Variants in ELP4 observed in about 807,000 individuals in gnomAD.
The protein encoded by ELP4 is elongator acetyltransferase complex subunit 4.
In ELP4, 51 loss-of-function variants were observed where a neutral mutation model predicts 48.9. The observed-to-expected ratio is 1.04, with a 90% CI of 0.83 to 1.32. The LOEUF is 1.32. Among genes scored for constraint, ELP4 ranks in the 40% most tolerant of loss-of-function variants. ELP4 has a pLI of 0.00. For missense variants in ELP4, 519 were observed against 514.6 expected, an observed-to-expected ratio of 1.01 and a Z score of -0.08; for synonymous variants, 210 against 189.2, an observed-to-expected ratio of 1.11 and a Z score of -0.90.
At chr11:31,556,650 G>C (rs1166242184) in intron 3 of ELP4, among the ~76,000 whole-genome samples, 1 of 151,840 alleles carries the variant, frequency 6.6e-6, no homozygotes, top group African/African-American at 2.4e-5. Context: ...ATATTAGCTA[G>C]TGATGACATT....
At chr11:31,619,925 C>A (rs1944583536) in intron 5 of ELP4, among the ~76,000 whole-genome samples, 1 of 151,910 alleles carries the variant, frequency 6.6e-6, no homozygotes, top group African/African-American at 2.4e-5. Context: ...GCTCAACATA[C>A]AAGTGTTGTG....
Position 31,518,494 on chromosome 11 carries a change from AT to A in ELP4, c.224-1543del, listed in dbSNP as rs539723681. 3.2e-3 allele frequency among the ~76,000 whole-genome samples: 388 copies of A among 122,852 alleles called. 1 individual carries two copies. Among genetic ancestry groups the A allele is most frequent in the African/African-American group, 8.6e-3 (285 of 33,154 alleles). 80.6% of individuals were successfully genotyped at this position (122,852 alleles called of 152,430 possible). On this transcript the variant is annotated intron_variant, in intron 1 of 9. Transcript: ENST00000640961. The stretch of plus-strand genomic sequence containing the variant: ...TCATGATTATATTACCATAGTTCAG[AT>A]TTTTTTTTTTTTTTTTTTCTGAAAC...
intron 1 of ELP4, chr11:31,510,256 C>T: frequency 3.6e-6 from 2 of 560,692 alleles, no homozygotes; most frequent in Non-Finnish European, 6.4e-6. Flanking sequence ...TTTCATATTA[C>T]GGAGGAATTC....
chr11:31,524,016 T>C (rs1023389063), intron 2 of ELP4, among the ~76,000 whole-genome samples: 4 of 152,108 alleles, frequency 2.6e-5, no homozygotes, highest in Non-Finnish European at 4.4e-5. Flanking sequence ...ATAGGTGACA[T>C]TTATCAATGT....
intron 3 of ELP4, among the ~76,000 whole-genome samples, chr11:31,562,454 G>T (rs1407079451): frequency 6.6e-6 from 1 of 152,018 alleles, no homozygotes; most frequent in Non-Finnish European, 1.5e-5. Context: ...AATGTGATAG[G>T]GATCCATGGA....
chr11:31,517,105 A>G (rs1208321032), intron 1 of ELP4, among the ~76,000 whole-genome samples: 1 of 152,164 alleles, frequency 6.6e-6, no homozygotes, highest in Non-Finnish European at 1.5e-5. Context: ...TTCTAGGCGC[A>G]TGTATGTTAC....
At chr11:31,760,271 G>T (rs1947917771) in intron 9 of ELP4, among the ~76,000 whole-genome samples, 1 of 152,184 alleles carries the variant, frequency 6.6e-6, no homozygotes, top group Non-Finnish European at 1.5e-5. Flanking sequence ...TTGGCCTGCT[G>T]TTTCCTAATG....
chr11:31,529,686 A>G (rs1303830014), intron 2 of ELP4, among the ~76,000 whole-genome samples: 1 of 152,198 alleles, frequency 6.6e-6, no homozygotes, highest in African/African-American at 2.4e-5. Flanking sequence ...CCTGTTTCTC[A>G]TATAGGAAAA....
At chr11:31,630,294 G>A (rs975769944) in intron 6 of ELP4, among the ~76,000 whole-genome samples, 1 of 113,498 alleles carries the variant, frequency 8.8e-6, no homozygotes, top group Non-Finnish European at 1.8e-5. Context: ...CCCTTCAATT[G>A]TATTGAATTA....
At chr11:31,740,747 C>G (rs1241181487) in intron 9 of ELP4, among the ~76,000 whole-genome samples, 1 of 152,172 alleles carries the variant, frequency 6.6e-6, no homozygotes, top group South Asian at 2.1e-4. Flanking sequence ...TTTAATAAAA[C>G]AAATTTGGGG....
chr11:31,771,899 G>A lies in ELP4; in HGVS notation c.1144-11494G>A, dbSNP rs571850482. Among the ~76,000 whole-genome samples the A allele has an allele frequency of 5.3e-5, 8 of 152,044 alleles. No homozygotes were observed. In the East Asian group the frequency reaches 7.8e-4, roughly 15 times the overall value. On this transcript the variant is annotated intron_variant, in intron 9 of 9. Coordinates refer to ENST00000640961, the MANE Select transcript of ELP4 (RefSeq NM_019040.5). ...CAGGAGGCTGAGGCGGGAGAATGGC[G>A]TGAACCCAGGAGGCGGAGGTTGCAG...
chr11:31,708,856 A>G (rs940705391), intron 9 of ELP4, among the ~76,000 whole-genome samples: 7 of 152,148 alleles, frequency 4.6e-5, no homozygotes, highest in Admixed American at 4.6e-4. Context: ...AGTGTAACTA[A>G]TTGAATAATT....
intron 9 of ELP4, among the ~76,000 whole-genome samples, chr11:31,778,680 G>A (rs985565845): frequency 6.6e-6 from 1 of 152,200 alleles, no homozygotes; most frequent in African/African-American, 2.4e-5. Context: ...GGCTTAACCA[G>A]CTGAATTGAC....
chr11:31,557,206 A>T (rs1415179922), intron 3 of ELP4, among the ~76,000 whole-genome samples: 1 of 151,894 alleles, frequency 6.6e-6, no homozygotes, highest in Non-Finnish European at 1.5e-5. Context: ...AGTGAAAGTT[A>T]AAATAATATC....
chr11:31,520,188 T>A, intron 2 of ELP4, 97 bp downstream of exon 2: 1 of 1,016,034 alleles, frequency 9.8e-7, no homozygotes, highest in Non-Finnish European at 1.5e-6. Flanking sequence ...TTTAAATCAC[T>A]AACACGACAG....
intron 9 of ELP4, among the ~76,000 whole-genome samples, chr11:31,693,212 G>T (rs925874666): frequency 1.4e-4 from 22 of 152,052 alleles, no homozygotes; most frequent in Non-Finnish European, 2.6e-4. Flanking sequence ...ATAACATGCA[G>T]GTTTGTTACA....
intron 5 of ELP4, among the ~76,000 whole-genome samples, chr11:31,608,635 G>C (rs971011910): frequency 3.8e-4 from 58 of 151,944 alleles, no homozygotes; most frequent in African/African-American, 1.4e-3. Context: ...GAGCAGGAGG[G>C]ACTCTGGTTG....
chr11:31,644,645 T>C (rs1945165878), intron 7 of ELP4, among the ~76,000 whole-genome samples: 1 of 151,792 alleles, frequency 6.6e-6, no homozygotes, highest in Non-Finnish European at 1.5e-5. Context: ...TATATTCTTC[T>C]AAGTAAATTC....
At chr11:31,702,327 C>T (rs1565119132) in intron 9 of ELP4, among the ~76,000 whole-genome samples, 3 of 151,276 alleles carry the variant, frequency 2.0e-5, no homozygotes, top group African/African-American at 7.3e-5. Context: ...ATAACAATAA[C>T]AATAATAATA....
Sources: allele counts gnomAD v4.1 joint callset (sites outside exome capture counted in the v4.1 genomes callset), GRCh38; gene constraint gnomAD v4.1.1; transcripts MANE v1.5; gene names NCBI Gene and HGNC (gene_info 2026-07-23, HGNC 2026-07-21).